The following HEG1 variants were observed in gnomAD, a reference collection of about 807,000 sequenced individuals.
HEG1 encodes the protein heart development protein with EGF like domains 1.
Under a neutral mutation model 125.6 loss-of-function variants are expected in HEG1, and 56 were observed. The observed-to-expected ratio is 0.45, with a 90% CI of 0.36 to 0.56. The LOEUF is 0.56. Among genes scored for constraint, HEG1 ranks in the 20% least tolerant of loss-of-function variants. The pLI is 0.00. For synonymous variants in HEG1, 644 were observed against 668.5 expected (o/e 0.96, Z 0.57); for missense variants, 1,523 against 1,670.0 (o/e 0.91, Z 1.53).
At chr3:125,043,511 T>C (rs1937618230) in intron 1 of HEG1, among the ~76,000 whole-genome samples, 1 of 152,170 alleles carries the variant, frequency 6.6e-6, no homozygotes. Context: ...AAAGGCTTTC[T>C]GCAGGGAGGA....
Position 124,978,398 on chromosome 3 carries a change from C to T in HEG1, c.3734-452G>A, listed in dbSNP as rs182672702. Among the ~76,000 whole-genome samples, 790 of 152,256 alleles carry T rather than the reference C, an allele frequency of 5.2e-3. 3 individuals are homozygous for T. The highest frequency in any genetic ancestry group is 8.6e-3 in the Non-Finnish European group (584 of 68,020). On this transcript the variant is annotated intron_variant, in intron 14 of 16. Coordinates refer to ENST00000311127, the MANE Select transcript of HEG1 (RefSeq NM_020733.2). ...TCCTGACCTCTTGATCCACCTGCCT[C>T]GGCCTCCCAAAGTTCTGGGATTACA...
intron 12 of HEG1, among the ~76,000 whole-genome samples, chr3:124,992,622 C>T (rs1408919648): frequency 6.6e-6 from 1 of 152,164 alleles, no homozygotes; most frequent in African/African-American, 2.4e-5. Context: ...CGAGTGATGC[C>T]CTGTGGGCTG....
intron 12 of HEG1, among the ~76,000 whole-genome samples, chr3:124,992,612 C>A (rs1384617546): frequency 6.6e-6 from 1 of 152,186 alleles, no homozygotes; most frequent in Admixed American, 6.6e-5. Flanking sequence ...AGGGGGCTGG[C>A]GAGTGATGCC....
chr3:124,983,854 C>T (rs1459814080), intron 14 of HEG1, among the ~76,000 whole-genome samples: 2 of 152,146 alleles, frequency 1.3e-5, no homozygotes, highest in Admixed American at 6.6e-5. Context: ...AAATAGTCCT[C>T]GCTAGCAGAA....
rs1937194006 is a variant in HEG1 at position 125,013,577 on chromosome 3, AG to A, written c.2001del (p.Ser668LeufsTer35). Reference protein sequence around the residue: ...SDSSSSSSSSSSSSSSGPPLP... With the variant: ...SDSSSSSSSSXSSSSSGPPLP... ...AAAGGAGGCCCTGAAGAAGAAGAAGAGGAGGAGGAGGAAGAGGAGGAGGAGG... is the reference window on the plus strand; with the variant it reads ...AAAGGAGGCCCTGAAGAAGAAGAAGAGAGGAGGAGGAAGAGGAGGAGGAGG... On this transcript the variant is annotated frameshift_variant, in exon 6 of 17. Coordinates refer to ENST00000311127, the MANE Select transcript of HEG1 (RefSeq NM_020733.2). LOFTEE classifies it high-confidence loss of function. 6.3e-7 allele frequency: 1 copy of A among 1,593,694 alleles called. No individual in the cohort carries two copies. The highest frequency in any genetic ancestry group is 1.3e-5 in the African/African-American group (1 of 74,408).
intron 12 of HEG1, among the ~76,000 whole-genome samples, chr3:124,991,890 G>T (rs989260744): frequency 6.6e-6 from 1 of 152,230 alleles, no homozygotes; most frequent in African/African-American, 2.4e-5. Context: ...GATTAAAGGC[G>T]TGAACCACCA....
chr3:125,013,437 G>C lies in HEG1; in HGVS notation c.2142C>G (p.Ser714=). The C allele has an allele frequency of 6.2e-7, 1 of 1,613,936 alleles. No individual in the cohort carries two copies. The highest frequency in any genetic ancestry group is 1.1e-5 in the South Asian group (1 of 91,076). ...STSDASTPWS[S]SPSPLPVSLT... ...AGGATACTGGTAAAGGTGATGGTGAGGAAGACCATGGTGTGGATGCATCAG... is the reference window on the plus strand; with the variant it reads ...AGGATACTGGTAAAGGTGATGGTGACGAAGACCATGGTGTGGATGCATCAG... Residue 714 remains serine (S), a synonymous_variant, in exon 6 of 17, where the codon TCC becomes TCG. Coordinates refer to ENST00000311127, the MANE Select transcript of HEG1 (RefSeq NM_020733.2).
At position 125,013,572 on chromosome 3, in the gene HEG1, AGAAGAGGAGGAGGAG is replaced by A. The variant is rs754557087; in HGVS notation, c.1992_2006del (p.Ser668_Ser672del). 46 of 1,592,090 alleles carry A rather than the reference AGAAGAGGAGGAGGAG, an allele frequency of 2.9e-5. No individual in the cohort carries two copies. The highest frequency in any genetic ancestry group is 2.7e-4 in the African/African-American group (20 of 74,278). Reference sequence around the variant, plus strand: ...GAGGCAAAGGAGGCCCTGAAGAAGAAGAAGAGGAGGAGGAGGAAGAGGAGGAGGAGGAGTCACTAA... The same window carrying A: ...GAGGCAAAGGAGGCCCTGAAGAAGAAGAAGAGGAGGAGGAGGAGTCACTAA... On this transcript the variant is annotated inframe_deletion, in exon 6 of 17. Transcript: ENST00000311127.
chr3:125,017,368 A>G (rs1348892072), intron 5 of HEG1, among the ~76,000 whole-genome samples: 2 of 152,258 alleles, frequency 1.3e-5, no homozygotes, highest in African/African-American at 4.8e-5. Flanking sequence ...AAGAACTCTT[A>G]CAATTTAATA....
intron 1 of HEG1, among the ~76,000 whole-genome samples, chr3:125,046,401 ACACAC>A (rs1313988135): frequency 1.2e-4 from 3 of 26,020 alleles, no homozygotes; most frequent in Non-Finnish European, 2.2e-4. Context: ...ATACACATAC[ACACAC>A]ACACACACAC....
At chr3:124,986,368 A>C (rs6798390) in intron 14 of HEG1, among the ~76,000 whole-genome samples, 1 of 151,898 alleles carries the variant, frequency 6.6e-6, no homozygotes, top group Non-Finnish European at 1.5e-5. Context: ...TAATGGGAGT[A>C]ATAGCGGTGG....
At chr3:124,971,599 C>CT (rs1936425323) in intron 16 of HEG1, among the ~76,000 whole-genome samples, 1 of 152,054 alleles carries the variant, frequency 6.6e-6, no homozygotes, top group African/African-American at 2.4e-5. Flanking sequence ...TTGAGGTACT[C>CT]TCCTGCCTCA....
intron 14 of HEG1, among the ~76,000 whole-genome samples, chr3:124,989,324 C>T (rs1170635800): frequency 6.6e-6 from 1 of 152,160 alleles, no homozygotes; most frequent in Non-Finnish European, 1.5e-5. Context: ...AGGTATACCA[C>T]TGGGGAATAG....
chr3:125,014,565 G>C, intron 5 of HEG1: 1 of 547,800 alleles, frequency 1.8e-6, no homozygotes, highest in East Asian at 7.6e-5. Context: ...TCACCTTCCT[G>C]AGGTGGGAGA....
chr3:125,029,597 A>G (rs1937469295), intron 1 of HEG1, 109 bp from the exon 2 acceptor site: 1 of 1,179,716 alleles, frequency 8.5e-7, no homozygotes, highest in African/African-American at 1.5e-5. Flanking sequence ...GAATTCAAGT[A>G]AAAGAATTTT....
At chr3:124,996,422 A>AT (rs540593728) in intron 12 of HEG1, among the ~76,000 whole-genome samples, 109 of 152,278 alleles carry the variant, frequency 7.2e-4, no homozygotes, top group Non-Finnish European at 1.4e-3. Context: ...AACACTTTGC[A>AT]TTAAAGCAGA....
In HEG1 at chr3:125,019,340, C is replaced by T; in HGVS notation, c.1510G>A (p.Asp504Asn). The T allele has an allele frequency of 6.2e-7, 1 of 1,614,056 alleles. No homozygotes were observed. Among genetic ancestry groups the T allele is most frequent in the Non-Finnish European group, 8.5e-7 (1 of 1,179,888 alleles). ...QSGGSHTALGDRSYSESSSTS... is the reference protein window; with the variant it reads ...QSGGSHTALGNRSYSESSSTS... Reference sequence around the variant, plus strand: ...GATGAAGACTCTGAATAACTCCTATCTCCCAATGCTGTGTGACTTCCTCCA... The same window carrying T: ...GATGAAGACTCTGAATAACTCCTATTTCCCAATGCTGTGTGACTTCCTCCA... The change falls in exon 5 of 17, where the codon GAT becomes AAT. Residue 504 changes from aspartate to asparagine, a missense_variant. Physicochemically the swap from Asp to Asn is conservative, Grantham distance 23. Transcript: ENST00000311127.
intron 14 of HEG1, among the ~76,000 whole-genome samples, chr3:124,983,617 G>A (rs1312893535): frequency 6.6e-6 from 1 of 151,802 alleles, no homozygotes; most frequent in Non-Finnish European, 1.5e-5. Flanking sequence ...TTACAGGTGT[G>A]AGCCACCGCA....
intron 12 of HEG1, among the ~76,000 whole-genome samples, chr3:124,992,636 C>G (rs1936853119): frequency 6.6e-6 from 1 of 152,186 alleles, no homozygotes; most frequent in African/African-American, 2.4e-5. Flanking sequence ...TGGGCTGGGT[C>G]CAGCGTCCTT....
Sources: allele counts gnomAD v4.1 joint callset (sites outside exome capture counted in the v4.1 genomes callset), GRCh38; gene constraint gnomAD v4.1.1; transcripts MANE v1.5; gene names NCBI Gene and HGNC (gene_info 2026-07-23, HGNC 2026-07-21).